Variants in RARB observed in about 807,000 individuals in gnomAD.
RARB encodes the protein retinoic acid receptor beta.
A neutral mutation model predicts 51.9 loss-of-function variants in RARB; 17 were observed. The observed-to-expected ratio is 0.33, with a 90% CI of 0.22 to 0.49. The LOEUF (loss-of-function observed/expected upper bound fraction) is 0.49. RARB is among the 20% of genes least tolerant of loss of function. RARB has a pLI of 0.99. For missense variants in RARB, 369 were observed against 550.8 expected, an observed-to-expected ratio of 0.67 and a Z score of 3.30; for synonymous variants, 215 against 195.4, an observed-to-expected ratio of 1.10 and a Z score of -0.84.
intron 2 of RARB, among the ~76,000 whole-genome samples, chr3:25,040,900 C>T (rs533660134): frequency 7.4e-4 from 113 of 152,138 alleles, no homozygotes; most frequent in Non-Finnish European, 1.1e-3. Flanking sequence ...GTCCTATAAG[C>T]CTGAATGATT....
intron 2 of RARB, among the ~76,000 whole-genome samples, chr3:24,935,982 A>G (rs1695540790): frequency 6.6e-6 from 1 of 152,148 alleles, no homozygotes. Flanking sequence ...GTATAAATCG[A>G]AAACTTAATT....
intron 4 of RARB, among the ~76,000 whole-genome samples, chr3:25,151,610 G>A (rs948737050): frequency 2.0e-5 from 3 of 152,154 alleles, no homozygotes; most frequent in Admixed American, 6.5e-5. Flanking sequence ...AGCATTATAT[G>A]CGTGTTCTTC....
At chr3:25,595,922 ACAT>A (rs1304216233) in intron 7 of RARB, among the ~76,000 whole-genome samples, 1 of 152,232 alleles carries the variant, frequency 6.6e-6, no homozygotes, top group Non-Finnish European at 1.5e-5. Flanking sequence ...TGAAACTAAG[ACAT>A]CATATTTAAA....
chr3:24,947,672 T>G (rs1354204867), intron 2 of RARB, among the ~76,000 whole-genome samples: 1 of 152,068 alleles, frequency 6.6e-6, no homozygotes, highest in African/African-American at 2.4e-5. Context: ...ATGGTAAGAG[T>G]AGCATGATTG....
intron 5 of RARB, among the ~76,000 whole-genome samples, chr3:25,384,808 G>A (rs1375104178): frequency 6.6e-6 from 1 of 152,164 alleles, no homozygotes; most frequent in Non-Finnish European, 1.5e-5. Flanking sequence ...GCTTTCAAGG[G>A]TAGAAAACCA....
In RARB at chr3:25,580,674, C is replaced by T. The variant is rs1701138265; in HGVS notation, c.738C>T (p.Thr246=). The T allele has an allele frequency of 6.2e-7, 1 of 1,611,768 alleles. No homozygotes were observed. ...GTCTGCCTGGTTTCACTGGCTTGACCATCGCAGACCAAATTACCCTGCTGA... is the reference window on the plus strand; with the variant it reads ...GTCTGCCTGGTTTCACTGGCTTGACTATCGCAGACCAAATTACCCTGCTGA... ...AKRLPGFTGL[T]IADQITLLKA... Residue 246 remains threonine (T), a synonymous_variant, in exon 5 of 8, where the codon ACC becomes ACT. Transcript: ENST00000330688.
chr3:25,573,338 G>A (rs1466281573), intron 4 of RARB, among the ~76,000 whole-genome samples: 1 of 152,134 alleles, frequency 6.6e-6, no homozygotes, highest in Non-Finnish European at 1.5e-5. Context: ...CCCCAATATG[G>A]GGGTGAGTCA....
chr3:25,222,860 T>C (rs1442159722), intron 5 of RARB, among the ~76,000 whole-genome samples: 1 of 152,192 alleles, frequency 6.6e-6, no homozygotes, highest in Non-Finnish European at 1.5e-5. Flanking sequence ...AAGGCATTCT[T>C]GTGAAGAGCA....
chr3:25,569,937 C>T lies in RARB; in HGVS notation c.609+19C>T. 1 of 1,609,918 alleles carries T rather than the reference C, an allele frequency of 6.2e-7. No individual in the cohort carries two copies. The highest frequency in any genetic ancestry group is 1.1e-5 in the South Asian group (1 of 90,410). Reference sequence around the variant, plus strand: ...CACCACGGTAAGAGATACTCCTGCCCCAGGCTGCTGGGAGTGTGGAAACCT... The same window carrying T: ...CACCACGGTAAGAGATACTCCTGCCTCAGGCTGCTGGGAGTGTGGAAACCT... On this transcript the variant is annotated intron_variant, in intron 4 of 7. Transcript: ENST00000330688.
rs556850239 is a variant in RARB, at chr3:24,886,038, C to T, written c.-380+27286C>T. On this transcript the variant is annotated intron_variant, in intron 2 of 11. Transcript: ENST00000383772. ...CCTAATTTGCTAACTGAGAGCTCAG[C>T]CCATATACTAGGGTTCTTCTGACTT... Among the ~76,000 whole-genome samples the T allele has an allele frequency of 3.2e-4, 48 of 152,244 alleles. 2 individuals carry two copies. The South Asian group carries it at 9.5e-3, about 30-fold the overall frequency.
Position 25,580,731 on chromosome 3 carries a change from C to G in RARB, c.786+9C>G. 6.3e-7 allele frequency: 1 copy of G among 1,591,798 alleles called. No individual in the cohort carries two copies. Among genetic ancestry groups the G allele is most frequent in the Non-Finnish European group, 8.6e-7 (1 of 1,162,714 alleles). ...CCTGCCTGGACATCCTGGTATGTGCCTTTTTGAGCTCTCAATGGGTCTGGG... is the reference window on the plus strand; with the variant it reads ...CCTGCCTGGACATCCTGGTATGTGCGTTTTTGAGCTCTCAATGGGTCTGGG... On this transcript the variant is annotated intron_variant, in intron 5 of 7. Coordinates refer to ENST00000330688, the MANE Select transcript of RARB (RefSeq NM_000965.5).
At chr3:25,225,908 G>A (rs528526984) in intron 5 of RARB, among the ~76,000 whole-genome samples, 5 of 152,094 alleles carry the variant, frequency 3.3e-5, no homozygotes, top group African/African-American at 2.4e-5. Flanking sequence ...AGATTTTTGC[G>A]TTGCAAAGTT....
At chr3:25,414,065 C>G (rs1054950338) in intron 5 of RARB, among the ~76,000 whole-genome samples, 1 of 89,886 alleles carries the variant, frequency 1.1e-5, no homozygotes, top group Admixed American at 1.1e-4. Context: ...GCCCTCCTGT[C>G]GCTCCCTTTT....
At position 25,093,200 on chromosome 3, in the gene RARB, TG is replaced by T. The variant is rs1412275953; in HGVS notation, c.-328+33025del. 2.0e-5 allele frequency among the ~76,000 whole-genome samples: 3 copies of T among 152,324 alleles called. No homozygotes were observed. The East Asian group carries it at 5.8e-4, about 29-fold the overall frequency. On this transcript the variant is annotated intron_variant, in intron 3 of 11. Transcript: ENST00000383772. Reference sequence around the variant, plus strand: ...TTTGGTTATTTTATTTTTTGTTCAATGATCCAGCATTATATAAAGCTGTCTG... The same window carrying T: ...TTTGGTTATTTTATTTTTTGTTCAATATCCAGCATTATATAAAGCTGTCTG...
At chr3:25,333,962 T>G (rs1448082529) in intron 5 of RARB, among the ~76,000 whole-genome samples, 1 of 152,094 alleles carries the variant, frequency 6.6e-6, no homozygotes, top group African/African-American at 2.4e-5. Flanking sequence ...GAAATGCAGA[T>G]CAAAACCACA....
chr3:25,006,846 T>G (rs1310845100), intron 2 of RARB, among the ~76,000 whole-genome samples: 1 of 152,154 alleles, frequency 6.6e-6, no homozygotes, highest in African/African-American at 2.4e-5. Context: ...GATTTATAAA[T>G]TCACTAAATA....
At chr3:24,941,337 A>G (rs1052143028) in intron 2 of RARB, among the ~76,000 whole-genome samples, 2 of 152,132 alleles carry the variant, frequency 1.3e-5, no homozygotes, top group Admixed American at 6.5e-5. Flanking sequence ...ATGATATTTT[A>G]ATGCAAAAAT....
chr3:24,884,883 A>G (rs1353691158), intron 2 of RARB, among the ~76,000 whole-genome samples: 1 of 152,134 alleles, frequency 6.6e-6, no homozygotes, highest in African/African-American at 2.4e-5. Flanking sequence ...TGACTGTCAA[A>G]TGTAAAGCAA....
intron 2 of RARB, among the ~76,000 whole-genome samples, chr3:25,466,666 C>G (rs1270427084): frequency 6.6e-6 from 1 of 152,176 alleles, no homozygotes; most frequent in Non-Finnish European, 1.5e-5. Flanking sequence ...CCCTACTACT[C>G]CATGGAGCCT....
Sources: gnomAD v4.1 joint callset for allele counts (sites outside exome capture counted in the v4.1 genomes callset) on GRCh38, gnomAD v4.1.1 for gene constraint, MANE v1.5 for transcripts, NCBI Gene and HGNC (gene_info 2026-07-23, HGNC 2026-07-21) for gene names.